AADACL3: variants seen among roughly 807,000 people sequenced by gnomAD.
AADACL3 encodes arylacetamide deacetylase-like 3.
In AADACL3, 13 loss-of-function variants were observed where a neutral mutation model predicts 13.6. The ratio of observed to expected loss-of-function variants is 0.95; its 90% CI spans 0.62 to 1.52. AADACL3 has a LOEUF of 1.52. Ranked by LOEUF, AADACL3 falls within the 40% of genes most tolerant of loss-of-function variation. The pLI is 0.00. For synonymous variants in AADACL3, 195 were observed against 197.0 expected, an observed-to-expected ratio of 0.99 and a Z score of 0.08; for missense variants, 519 against 499.2, an observed-to-expected ratio of 1.04 and a Z score of -0.38.
At chr1:12,716,448 G>C (rs1363291471) in intron 1 of AADACL3, 104 bp downstream of exon 1, 1 of 1,479,254 alleles carries the variant, frequency 6.8e-7, no homozygotes, top group Non-Finnish European at 9.5e-7. Flanking sequence ...CGGTATCATG[G>C]GGCCTGCAGT....
Position 12,726,234 on chromosome 1 carries a change from A to G in AADACL3, c.*238A>G. On this transcript the variant is annotated 3_prime_UTR_variant, in exon 4 of 4. Transcript: ENST00000359318. ...GTGGCTGTCTCTATTCTCTGTTGGG[A>G]AAACCTGGGCTGACAATATTCAGTG... 1 of 525,358 alleles carries G rather than the reference A, an allele frequency of 1.9e-6. No homozygotes were observed. Among genetic ancestry groups the G allele is most frequent in the South Asian group, 2.8e-5 (1 of 35,208 alleles). 32.5% of individuals were successfully genotyped at this position (525,358 alleles called of 1,614,324 possible). A position where few individuals can be genotyped will look rare whatever the true frequency, so the allele number is the denominator to read the frequency against.
At position 12,728,610 on chromosome 1, in the gene AADACL3, G is replaced by T. The variant is rs570810157; in HGVS notation, c.*2614G>T. 38 of 152,412 alleles carry T rather than the reference G, an allele frequency of 2.5e-4. No individual in the cohort carries two copies. The highest frequency in any genetic ancestry group is 8.2e-4 in the African/African-American group (34 of 41,578). 9.4% of individuals were successfully genotyped at this position (152,412 alleles called of 1,614,324 possible). On this transcript the variant is annotated 3_prime_UTR_variant, in exon 4 of 4. Coordinates refer to ENST00000359318, the MANE Select transcript of AADACL3 (RefSeq NM_001103170.3). ...CTCCAGCTTCCTCCCACATTCCAAA[G>T]ATGTGTATGTTACATTCATGGGAAT...
rs1265006991 is a variant in AADACL3 at position 12,727,434 on chromosome 1, C to G, written c.*1438C>G. 2 of 152,182 alleles carry G rather than the reference C, an allele frequency of 1.3e-5. No homozygotes were observed. The highest frequency in any genetic ancestry group is 2.9e-5 in the Non-Finnish European group (2 of 68,044). The allele number at this position is 152,182 out of a possible 1,614,324, so 9.4% of individuals were successfully genotyped here. ...GGTACGTGAAAGTGGCAAGAGATGT[C>G]AAGACCACTGGGCAAGTTGGCCAGT... On this transcript the variant is annotated 3_prime_UTR_variant, in exon 4 of 4. Coordinates refer to ENST00000359318, the MANE Select transcript of AADACL3 (RefSeq NM_001103170.3).
In AADACL3 at chr1:12,725,958, A is replaced by T. The variant is rs1264397376; in HGVS notation, c.1186A>T (p.Ile396Phe). Reference protein sequence around the residue: ...SFLHFPCSMRILSALVQFVKG... With the variant: ...SFLHFPCSMRFLSALVQFVKG... Reference sequence around the variant, plus strand: ...CTTGCACTTTCCCTGCTCCATGAGAATTCTGAGTGCATTAGTTCAATTTGT... The same window carrying T: ...CTTGCACTTTCCCTGCTCCATGAGATTTCTGAGTGCATTAGTTCAATTTGT... The change falls in exon 4 of 4, where the codon ATT becomes TTT. Residue 396 changes from isoleucine to phenylalanine, a missense_variant. Transcript: ENST00000359318. The T allele has an allele frequency of 6.2e-7, 1 of 1,613,894 alleles. No individual in the cohort carries two copies. Among genetic ancestry groups the T allele is most frequent in the Non-Finnish European group, 8.5e-7 (1 of 1,179,912 alleles).
At chr1:12,717,631 T>C (rs192353061) in intron 1 of AADACL3, among the ~76,000 whole-genome samples, 1 of 152,264 alleles carries the variant, frequency 6.6e-6, no homozygotes, top group Non-Finnish European at 1.5e-5. Flanking sequence ...AGGGAGCTTG[T>C]AGGGTCCAGG....
Position 12,720,901 on chromosome 1 carries a change from G to A in AADACL3, c.404G>A (p.Cys135Tyr), listed in dbSNP as rs949126651. 8.1e-6 allele frequency: 13 copies of A among 1,612,700 alleles called. No homozygotes were observed. Among genetic ancestry groups the A allele is most frequent in the Non-Finnish European group, 1.0e-5 (12 of 1,179,176 alleles). The change falls in exon 3 of 4, where the codon TGC becomes TAC. Residue 135 changes from cysteine (C) to tyrosine (Y), a missense_variant. Physicochemically the swap from Cys to Tyr is radical, Grantham distance 194 (BLOSUM62 -2). Coordinates refer to ENST00000359318, the MANE Select transcript of AADACL3 (RefSeq NM_001103170.3). ...TTTCTAGAAACCCACCATGGCATAT[G>A]CTCTCGTTTGTGCAAGGAGAGTGAC... is the stretch of plus-strand genomic sequence containing the variant. ...MGSLKTHHGI[C>Y]SRLCKESDSV...
intron 1 of AADACL3, among the ~76,000 whole-genome samples, chr1:12,717,299 A>G (rs1648458540): frequency 6.6e-6 from 1 of 152,160 alleles, no homozygotes; most frequent in African/African-American, 2.4e-5. Flanking sequence ...ATTGGGTCCT[A>G]GGTTTTCCTA....
intron 1 of AADACL3, among the ~76,000 whole-genome samples, chr1:12,718,766 G>A (rs993173186): frequency 6.6e-6 from 1 of 152,182 alleles, no homozygotes; most frequent in Non-Finnish European, 1.5e-5. Context: ...CTCCCAAAGT[G>A]CTGGGATTAC....
Position 12,725,388 on chromosome 1 carries a change from C to T in AADACL3, c.616C>T (p.Leu206Phe), listed in dbSNP as rs1557572329. ...GAIAAVVCQQ[L>F]VDRPDLPRIR... ...AATAGCCGCAGTGGTTTGTCAACAA[C>T]TTGTGGACAGGCCAGATCTGCCCCG... Residue 206 changes from leucine to phenylalanine, a missense_variant, in exon 4 of 4, where the codon CTT becomes TTT. By Grantham distance (22) the Leu-to-Phe change is conservative (BLOSUM62 0). Coordinates refer to ENST00000359318, the MANE Select transcript of AADACL3 (RefSeq NM_001103170.3). The T allele has an allele frequency of 1.2e-6, 2 of 1,614,120 alleles. No homozygotes were observed. Among genetic ancestry groups the T allele is most frequent in the South Asian group, 2.2e-5 (2 of 91,070 alleles).
intron 3 of AADACL3, among the ~76,000 whole-genome samples, chr1:12,724,308 A>AG (rs1247997691): frequency 6.6e-6 from 1 of 152,120 alleles, no homozygotes; most frequent in African/African-American, 2.4e-5. Context: ...TCATGAATGT[A>AG]ACATACACAT....
intron 1 of AADACL3, 37 bp downstream of exon 1, chr1:12,716,381 C>T: frequency 6.2e-7 from 1 of 1,613,878 alleles, no homozygotes; most frequent in Non-Finnish European, 8.5e-7. Flanking sequence ...TCCAGCTGAC[C>T]ATTAAGGAAG....
At chr1:12,719,444 C>A in intron 1 of AADACL3, 31 bp from the exon 2 acceptor site, 1 of 1,599,118 alleles carries the variant, frequency 6.3e-7, no homozygotes, top group Non-Finnish European at 8.6e-7. Context: ...AGAAACCCAT[C>A]TCGACCCATC....
chr1:12,721,692 C>T (rs1638265521), intron 3 of AADACL3, among the ~76,000 whole-genome samples: 2 of 152,176 alleles, frequency 1.3e-5, no homozygotes, highest in South Asian at 4.1e-4. Context: ...CTCAAACAAC[C>T]CGAAATGCTG....
intron 1 of AADACL3, among the ~76,000 whole-genome samples, chr1:12,717,879 G>T (rs188066309): frequency 6.6e-6 from 1 of 152,142 alleles, no homozygotes; most frequent in East Asian, 1.9e-4. Flanking sequence ...ACACAAGGGG[G>T]TCATGGATTT....
In AADACL3 at chr1:12,723,788, A is replaced by ATT. The variant is rs34002486; in HGVS notation, c.450-1423_450-1422dup. Among the ~76,000 whole-genome samples, 209 of 137,852 alleles carry ATT rather than the reference A, an allele frequency of 1.5e-3. 1 individual carries two copies. The highest frequency in any genetic ancestry group is 5.1e-3 in the African/African-American group (192 of 37,684). The allele number at this position is 137,852 out of a possible 152,430, so 90.4% of individuals were successfully genotyped here. ...GCCACTGTGCTTGGCTGACTTTATAATTTTTTTTTTTTGAGACAGAGTTTC... is the reference window on the plus strand; with the variant it reads ...GCCACTGTGCTTGGCTGACTTTATAATTTTTTTTTTTTTTGAGACAGAGTTTC... On this transcript the variant is annotated intron_variant, in intron 3 of 3. Coordinates refer to ENST00000359318, the MANE Select transcript of AADACL3 (RefSeq NM_001103170.3).
At chr1:12,721,890 C>G (rs1638269245) in intron 3 of AADACL3, among the ~76,000 whole-genome samples, 1 of 152,218 alleles carries the variant, frequency 6.6e-6, no homozygotes, top group Non-Finnish European at 1.5e-5. Flanking sequence ...CTGCCTGATG[C>G]AGCATCACAC....
chr1:12,720,907 G>A lies in AADACL3; in HGVS notation c.410G>A (p.Arg137His), dbSNP rs140815157. The A allele has an allele frequency of 1.8e-4, 293 of 1,611,902 alleles. No individual in the cohort carries two copies. In the African/African-American group the frequency reaches 2.9e-3, roughly 16 times the overall value. ...GAAACCCACCATGGCATATGCTCTC[G>A]TTTGTGCAAGGAGAGTGACTCCGTG... The part of the protein sequence containing the change: ...SLKTHHGICS[R>H]LCKESDSVVL... Residue 137 changes from arginine to histidine, a missense_variant, in exon 3 of 4, where the codon CGT becomes CAT. Coordinates refer to ENST00000359318, the MANE Select transcript of AADACL3 (RefSeq NM_001103170.3).
Position 12,728,006 on chromosome 1 carries a change from T to G in AADACL3, c.*2010T>G, listed in dbSNP as rs760689329. The G allele has an allele frequency of 1.1e-4, 16 of 152,230 alleles. No individual in the cohort carries two copies. Among genetic ancestry groups the G allele is most frequent in the Non-Finnish European group, 1.9e-4 (13 of 68,042 alleles). 9.4% of individuals were successfully genotyped at this position (152,230 alleles called of 1,614,324 possible). A position where few individuals can be genotyped will look rare whatever the true frequency, so the allele number is the denominator to read the frequency against. On this transcript the variant is annotated 3_prime_UTR_variant, in exon 4 of 4. Transcript: ENST00000359318. Reference sequence around the variant, plus strand: ...CATTTTAAGAGGCTGAGAGCACCCCTTGTTGGGCGCATGCCCATGGCAGCT... The same window carrying G: ...CATTTTAAGAGGCTGAGAGCACCCCGTGTTGGGCGCATGCCCATGGCAGCT...
At chr1:12,720,804 T>C in intron 2 of AADACL3, 79 bp from the exon 3 acceptor site, 1 of 1,276,952 alleles carries the variant, frequency 7.8e-7, no homozygotes, top group Admixed American at 1.7e-5. Flanking sequence ...CCAAGTGCTG[T>C]GTCTGTAGGA....
Sources: allele counts gnomAD v4.1 joint callset (sites outside exome capture counted in the v4.1 genomes callset), GRCh38; gene constraint gnomAD v4.1.1; transcripts MANE v1.5; gene names NCBI Gene and HGNC (gene_info 2026-07-23, HGNC 2026-07-21).